The following GCNT1 variants were observed in gnomAD, a reference collection of about 807,000 sequenced individuals.
GCNT1 encodes the protein glucosaminyl (N-acetyl) transferase 1.
A neutral mutation model predicts 26.2 loss-of-function variants in GCNT1; 16 were observed. The observed-to-expected ratio is 0.61, with a 90% CI of 0.41 to 0.93. GCNT1 has a LOEUF of 0.93. GCNT1 is among the 40% of genes least tolerant of loss of function. The probability of loss-of-function intolerance (pLI) is 0.00; values close to 1 mark genes in which losing one functional copy is unlikely to be tolerated. For missense variants in GCNT1, 477 were observed against 526.7 expected, an observed-to-expected ratio of 0.91 and a Z score of 0.92; for synonymous variants, 183 against 190.8, an observed-to-expected ratio of 0.96 and a Z score of 0.34.
chr9:76,453,933 A>C (rs1376880055), intron 1 of GCNT1, among the ~76,000 whole-genome samples: 1 of 152,146 alleles, frequency 6.6e-6, no homozygotes, highest in Non-Finnish European at 1.5e-5. Context: ...GAGAGACTTT[A>C]TTTAGAAGGA....
At chr9:76,474,586 C>G (rs17062615) in intron 2 of GCNT1, among the ~76,000 whole-genome samples, 3,793 of 152,220 alleles carry the variant, frequency 0.025, 155 homozygotes, top group African/African-American at 0.086. Flanking sequence ...GCTATTACAT[C>G]TGAGCAAAAA....
chr9:76,444,098 T>C (rs1170346237), intron 1 of GCNT1, among the ~76,000 whole-genome samples: 4 of 151,554 alleles, frequency 2.6e-5, no homozygotes, highest in Non-Finnish European at 5.9e-5. Flanking sequence ...CTAGGTGGAG[T>C]TGTCAATGAG....
Position 76,502,873 on chromosome 9 carries a change from T to G in GCNT1, c.492T>G (p.Ala164=), listed in dbSNP as rs1407588774. ...CAAAATCCGAGGATTCCTATTTAGC[T>G]GCAGTGATGGGCATCGCTTCCTGTT... The part of the protein sequence containing the change: ...VDTKSEDSYL[A]AVMGIASCFS... The change falls in exon 4 of 4, where the codon GCT becomes GCG. Residue 164 remains alanine (A), a synonymous_variant. Transcript: ENST00000376730. 6.2e-7 allele frequency: 1 copy of G among 1,614,116 alleles called. No individual in the cohort carries two copies. Among genetic ancestry groups the G allele is most frequent in the Non-Finnish European group, 8.5e-7 (1 of 1,180,020 alleles).
chr9:76,469,720 G>A (rs373706257), intron 2 of GCNT1, among the ~76,000 whole-genome samples: 1 of 152,296 alleles, frequency 6.6e-6, no homozygotes, highest in Admixed American at 6.5e-5. Context: ...TGCCGCTCCC[G>A]ATCGGGCTAA....
chr9:76,406,510 A>G, the GCNT1 span, among the ~76,000 whole-genome samples: 2 of 151,314 alleles, frequency 1.3e-5, no homozygotes, highest in Non-Finnish European at 2.9e-5. Flanking sequence ...AAAAAAAAAA[A>G]AAAAGAAAGA....
intron 2 of GCNT1, among the ~76,000 whole-genome samples, chr9:76,485,984 G>A (rs192586539): frequency 4.5e-4 from 68 of 152,244 alleles, no homozygotes; most frequent in Admixed American, 2.2e-3. Context: ...TGCCTGCCTC[G>A]GCCTCCCAAA....
chr9:76,486,317 C>G (rs1002909671), intron 2 of GCNT1, among the ~76,000 whole-genome samples: 5 of 152,194 alleles, frequency 3.3e-5, no homozygotes, highest in African/African-American at 1.2e-4. Context: ...TGAATTTCAT[C>G]TTTTAGTGGC....
At position 76,505,529 on chromosome 9, in the gene GCNT1, C is replaced by T. The variant is rs2131653314; in HGVS notation, c.*1861C>T. The T allele has an allele frequency of 6.0e-6, 1 of 166,726 alleles. No homozygotes were observed. The highest frequency in any genetic ancestry group is 2.1e-4 in the South Asian group (1 of 4,820). 10.3% of individuals were successfully genotyped at this position (166,726 alleles called of 1,614,324 possible). ...AAAAGTTTTTACCTATAAGACAGGG[C>T]ACCTTTTAACTCTAAAACTAGTGAT... On this transcript the variant is annotated 3_prime_UTR_variant, in exon 4 of 4. Coordinates refer to ENST00000376730, the MANE Select transcript of GCNT1 (RefSeq NM_001490.5).
At chr9:76,439,115 T>C (rs776887575), upstream of GCNT1, among the ~76,000 whole-genome samples, 2 of 152,140 alleles carry the variant, frequency 1.3e-5, no homozygotes, top group Admixed American at 6.5e-5. Flanking sequence ...GAAAGGGTGG[T>C]TCCCAGACCA....
At chr9:76,425,637 G>C (rs544222598) in intron 1 of GCNT1, among the ~76,000 whole-genome samples, 100 of 152,302 alleles carry the variant, frequency 6.6e-4, no homozygotes, top group African/African-American at 2.1e-3. Context: ...TTTATCAAGA[G>C]AGGGGAATTG....
chr9:76,482,555 C>T (rs1294980836), intron 2 of GCNT1, among the ~76,000 whole-genome samples: 4 of 151,872 alleles, frequency 2.6e-5, no homozygotes, highest in African/African-American at 9.6e-5. Flanking sequence ...ACCCAGGAGG[C>T]AGAGCTTGCA....
chr9:76,480,766 A>G (rs914837486), intron 2 of GCNT1, among the ~76,000 whole-genome samples: 11 of 152,214 alleles, frequency 7.2e-5, no homozygotes, highest in East Asian at 1.9e-4. Context: ...AAAATTCTGT[A>G]GAACTTTTCA....
At chr9:76,472,326 C>T (rs997007858) in intron 2 of GCNT1, among the ~76,000 whole-genome samples, 3 of 152,128 alleles carry the variant, frequency 2.0e-5, no homozygotes, top group African/African-American at 7.2e-5. Flanking sequence ...TGACTGACAC[C>T]ACAAAGAAAT....
At chr9:76,497,580 T>C (rs1259523378) in intron 2 of GCNT1, among the ~76,000 whole-genome samples, 1 of 152,210 alleles carries the variant, frequency 6.6e-6, no homozygotes, top group Non-Finnish European at 1.5e-5. Context: ...AAAGCGTTTT[T>C]CAAAGCATGT....
chr9:76,412,278 T>C, the GCNT1 span, among the ~76,000 whole-genome samples: 2 of 152,236 alleles, frequency 1.3e-5, no homozygotes, highest in African/African-American at 4.8e-5. Context: ...TTTGCCATTA[T>C]TATTTGAAAC....
chr9:76,417,320 T>C (rs10869770), upstream of GCNT1, among the ~76,000 whole-genome samples: 56,280 of 152,056 alleles, frequency 0.37, 11,163 homozygotes, highest in Non-Finnish European at 0.44. Flanking sequence ...CCTAGTCTTT[T>C]TTTACCCACC....
At chr9:76,489,810 C>T (rs1429917909) in intron 2 of GCNT1, among the ~76,000 whole-genome samples, 2 of 152,168 alleles carry the variant, frequency 1.3e-5, no homozygotes, top group African/African-American at 4.8e-5. Context: ...TAGCTAATTC[C>T]TGCTGGATAA....
chr9:76,403,645 G>A, the GCNT1 span, among the ~76,000 whole-genome samples: 8 of 152,200 alleles, frequency 5.3e-5, no homozygotes, highest in African/African-American at 1.9e-4. Context: ...ATTGCTTCAT[G>A]TGCTTGGATC....
intron 1 of GCNT1, among the ~76,000 whole-genome samples, chr9:76,427,372 G>A (rs936237526): frequency 7.2e-5 from 11 of 152,052 alleles, no homozygotes; most frequent in Admixed American, 5.2e-4. Context: ...TAGAGGCAGC[G>A]TTTCACCAAG....
Sources: gnomAD v4.1 joint callset for allele counts (sites outside exome capture counted in the v4.1 genomes callset) on GRCh38, gnomAD v4.1.1 for gene constraint, MANE v1.5 for transcripts, NCBI Gene and HGNC (gene_info 2026-07-23, HGNC 2026-07-21) for gene names.